The following DIAPH2 variants were observed in gnomAD, a reference collection of about 807,000 sequenced individuals.
DIAPH2 encodes protein diaphanous homolog 2.
Under a neutral mutation model 92.7 loss-of-function variants are expected in DIAPH2, and 35 were observed. The observed-to-expected ratio is 0.38, with a 90% CI of 0.29 to 0.50. The LOEUF (loss-of-function observed/expected upper bound fraction) is 0.50, where lower values mean the gene tolerates loss of function less well. Among genes scored for constraint, DIAPH2 ranks in the 20% least tolerant of loss-of-function variants. The pLI is 0.94. For synonymous variants in DIAPH2, 301 were observed against 280.4 expected (o/e 1.07, Z -0.73); for missense variants, 701 against 819.5 (o/e 0.86, Z 1.77).
chrX:97,075,143 TAATAA>T lies in DIAPH2; in HGVS notation c.2153-20_2153-16del, dbSNP rs765105907. 1.9e-6 allele frequency: 2 copies of T among 1,046,302 alleles called. No individual in the cohort carries two copies. Among genetic ancestry groups the T allele is most frequent in the Admixed American group, 2.5e-5 (1 of 39,803 alleles). The allele number at this position is 1,046,302 out of a possible 1,213,427, so 86.2% of individuals were successfully genotyped here. ...TAACATGTTGATGCTGTTATACTTT[TAATAA>T]AATCAAATTTTATTTTAGCCATCTT... On this transcript the variant is annotated intron_variant, in intron 18 of 26. Transcript: ENST00000324765.
At chrX:97,493,926 A>G (rs776116558) in intron 26 of DIAPH2, among the ~76,000 whole-genome samples, 35 of 103,369 alleles carry the variant, frequency 3.4e-4, no homozygotes, top group African/African-American at 1.2e-3. Context: ...CAACAAAAAA[A>G]CCAGCCTGAG....
intron 3 of DIAPH2, among the ~76,000 whole-genome samples, chrX:96,756,878 A>ATCT (rs1367759719): frequency 6.4e-5 from 6 of 93,544 alleles, no homozygotes; most frequent in Non-Finnish European, 1.1e-4. Flanking sequence ...GATGTTGAAT[A>ATCT]TCTTTTCCTG....
At chrX:97,377,394 T>A (rs1402218751) in intron 24 of DIAPH2, among the ~76,000 whole-genome samples, 1 of 112,286 alleles carries the variant, frequency 8.9e-6, no homozygotes. Flanking sequence ...TATACCAGCA[T>A]CACCATAATA....
chrX:96,948,708 G>A (rs1251543540), intron 14 of DIAPH2, among the ~76,000 whole-genome samples: 1 of 110,854 alleles, frequency 9.0e-6, no homozygotes, highest in Non-Finnish European at 1.9e-5. Context: ...TTTTTTTTCA[G>A]AAGTGAAAAT....
chrX:97,376,307 A>G (rs2069499967), intron 24 of DIAPH2, among the ~76,000 whole-genome samples: 1 of 110,525 alleles, frequency 9.0e-6, no homozygotes, highest in Non-Finnish European at 1.9e-5. Flanking sequence ...TTCCCCCAAA[A>G]CCTCCTGTTT....
At chrX:96,811,431 G>T (rs1317548439) in intron 4 of DIAPH2, among the ~76,000 whole-genome samples, 2 of 111,677 alleles carry the variant, frequency 1.8e-5, no homozygotes, top group Non-Finnish European at 3.8e-5. Flanking sequence ...AGACAGTGGG[G>T]TTTTCTAAAT....
At chrX:97,129,132 T>TTTTC (rs1441538812) in intron 21 of DIAPH2, among the ~76,000 whole-genome samples, 21 of 89,186 alleles carry the variant, frequency 2.4e-4, no homozygotes, top group African/African-American at 8.9e-4. Context: ...TTTTCTTTTC[T>TTTTC]TTTCTTTTCT....
chrX:97,563,134 G>T (rs2071305172), intron 26 of DIAPH2, among the ~76,000 whole-genome samples: 1 of 111,827 alleles, frequency 8.9e-6, no homozygotes, highest in Non-Finnish European at 1.9e-5. Context: ...TGAAAAGGGA[G>T]TGTTATAAAA....
intron 21 of DIAPH2, among the ~76,000 whole-genome samples, chrX:97,120,114 C>T (rs1360836170): frequency 1.8e-5 from 2 of 111,847 alleles, no homozygotes; most frequent in Non-Finnish European, 3.8e-5. Context: ...CTTTCTTCTC[C>T]TTGTGGCTTT....
intron 26 of DIAPH2, among the ~76,000 whole-genome samples, chrX:97,585,550 G>T (rs1323707468): frequency 1.0e-5 from 1 of 99,659 alleles, no homozygotes; most frequent in East Asian, 3.2e-4. Context: ...CTGTTGAGGG[G>T]GAAAAAGCCT....
chrX:97,602,569 A>ATAT lies in DIAPH2; in HGVS notation c.*3254_*3256dup, dbSNP rs1271888929. 8.9e-6 allele frequency: 1 copy of ATAT among 112,270 alleles called. No individual in the cohort carries two copies. Among genetic ancestry groups the ATAT allele is most frequent in the Non-Finnish European group, 1.9e-5 (1 of 53,228 alleles). The allele number at this position is 112,270 out of a possible 1,213,427, so 9.3% of individuals were successfully genotyped here. ...AAATCTAGCCAGGCAAATTTCTGTT[A>ATAT]TATTTCAAGGCCTGGCAGTAATCCT... On this transcript the variant is annotated 3_prime_UTR_variant, in exon 27 of 27. Transcript: ENST00000324765.
chrX:97,129,076 A>G (rs149989921), intron 21 of DIAPH2, among the ~76,000 whole-genome samples: 1,058 of 91,503 alleles, frequency 0.012, 25 homozygotes, highest in African/African-American at 0.045. Flanking sequence ...CTGTTTTTCA[A>G]AGTGTCTATA....
chrX:97,085,119 A>T (rs1299308693), intron 19 of DIAPH2, among the ~76,000 whole-genome samples: 1 of 111,247 alleles, frequency 9.0e-6, no homozygotes, highest in East Asian at 2.8e-4. Flanking sequence ...TTTTGTTTAG[A>T]TTTTGTTTTA....
At chrX:96,848,506 T>C (rs1348201451) in intron 4 of DIAPH2, among the ~76,000 whole-genome samples, 1 of 112,609 alleles carries the variant, frequency 8.9e-6, no homozygotes, top group African/African-American at 3.2e-5. Flanking sequence ...CTTCCCTTAC[T>C]AATTTAAGCT....
At chrX:96,938,116 C>G (rs1196589945) in intron 11 of DIAPH2, among the ~76,000 whole-genome samples, 1 of 110,666 alleles carries the variant, frequency 9.0e-6, no homozygotes, top group African/African-American at 3.3e-5. Context: ...AGTAATATTC[C>G]CCTCCTTGAA....
At chrX:97,051,237 G>T (rs746614306) in intron 17 of DIAPH2, among the ~76,000 whole-genome samples, 1 of 110,646 alleles carries the variant, frequency 9.0e-6, no homozygotes, top group Non-Finnish European at 1.9e-5. Context: ...ATACAGGGAG[G>T]GTAGAAATTC....
intron 17 of DIAPH2, among the ~76,000 whole-genome samples, chrX:97,019,811 A>G (rs1180131332): frequency 9.0e-6 from 1 of 111,723 alleles, no homozygotes; most frequent in East Asian, 2.8e-4. Flanking sequence ...AGTATTAATG[A>G]TAAATTTTTC....
chrX:96,897,718 T>A (rs1199404455), intron 5 of DIAPH2, among the ~76,000 whole-genome samples: 2 of 110,135 alleles, frequency 1.8e-5, no homozygotes, highest in East Asian at 5.6e-4. Context: ...TTCAATTTTT[T>A]TAAATTTTAT....
chrX:96,890,215 C>A (rs1423653559), intron 5 of DIAPH2, among the ~76,000 whole-genome samples: 1 of 110,801 alleles, frequency 9.0e-6, no homozygotes, highest in Non-Finnish European at 1.9e-5. Context: ...CAATGGACCT[C>A]TTTGGTCCTC....
Sources: allele counts gnomAD v4.1 joint callset (sites outside exome capture counted in the v4.1 genomes callset), GRCh38; gene constraint gnomAD v4.1.1; transcripts MANE v1.5; gene names NCBI Gene and HGNC (gene_info 2026-07-23, HGNC 2026-07-21).